Variants in MBTPS1 observed in about 807,000 individuals in gnomAD.
MBTPS1 encodes the protein membrane bound transcription factor peptidase, site 1.
Under a neutral mutation model 127.8 loss-of-function variants are expected in MBTPS1, and 94 were observed. The ratio of observed to expected loss-of-function variants is 0.74; its 90% CI spans 0.62 to 0.87. The LOEUF is 0.87. Among genes scored for constraint, MBTPS1 ranks in the 40% least tolerant of loss-of-function variants. The pLI is 0.00. For missense variants in MBTPS1, 1,636 were observed against 1,353.2 expected (o/e 1.21, Z -3.28); for synonymous variants, 632 against 509.4 (o/e 1.24, Z -3.24).
chr16:84,070,841 C>G lies in MBTPS1; in HGVS notation c.1594-65G>C, dbSNP rs2085760547. ...GCTCCAGGAGAAAACACGTGGAAAC[C>G]AGAAAAACTCAATTCTTACCAAAAC... On this transcript the variant is annotated intron_variant, in intron 12 of 22. Transcript: ENST00000343411. The G allele has an allele frequency of 3.9e-6, 5 of 1,291,086 alleles. No homozygotes were observed. The Admixed American group carries it at 7.0e-5, about 18-fold the overall frequency. The allele number at this position is 1,291,086 out of a possible 1,614,324, so 80.0% of individuals were successfully genotyped here.
Position 84,093,733 on chromosome 16 carries a change from G to T in MBTPS1, c.714C>A (p.Thr238=). 6.2e-7 allele frequency: 1 copy of T among 1,613,852 alleles called. No homozygotes were observed. The highest frequency in any genetic ancestry group is 8.5e-7 in the Non-Finnish European group (1 of 1,179,756). The part of the protein sequence containing the change: ...FKNVKERTNW[T]NERTLDDGLG... ...CACCATCGTCCAGCGTTCGCTCGTT[G>T]GTCCAGTTGGTTCTCTCCTTCACAT... Residue 238 remains threonine, a synonymous_variant, in exon 5 of 23, where the codon ACC becomes ACA. Coordinates refer to ENST00000343411, the MANE Select transcript of MBTPS1 (RefSeq NM_003791.4).
At chr16:84,097,445 T>A (rs749902881) in intron 3 of MBTPS1, among the ~76,000 whole-genome samples, 1 of 152,190 alleles carries the variant, frequency 6.6e-6, no homozygotes, top group Non-Finnish European at 1.5e-5. Flanking sequence ...CACAGCTAAC[T>A]TCAAGGGGCA....
chr16:84,093,045 A>G, intron 6 of MBTPS1, 143 bp downstream of exon 6: 1 of 659,892 alleles, frequency 1.5e-6, no homozygotes, highest in Non-Finnish European at 2.7e-6. Flanking sequence ...GAGGAACAGT[A>G]AACTGAGCAT....
chr16:84,060,086 G>C (rs2085585895), intron 20 of MBTPS1: 1 of 153,046 alleles, frequency 6.5e-6, no homozygotes, highest in Non-Finnish European at 1.5e-5. Flanking sequence ...CAGGGACTTA[G>C]ACGCACTGAT....
chr16:84,099,362 CATATACT>C, intron 2 of MBTPS1, 52 bp from the exon 3 acceptor site: 1 of 1,550,184 alleles, frequency 6.5e-7, no homozygotes, highest in Non-Finnish European at 8.8e-7. Flanking sequence ...TACATTATAA[CATATACT>C]ATATTGTATC....
chr16:84,091,201 A>G (rs2086101296), intron 7 of MBTPS1, among the ~76,000 whole-genome samples: 1 of 152,154 alleles, frequency 6.6e-6, no homozygotes, highest in Admixed American at 6.5e-5. Flanking sequence ...GTAAGAAAGA[A>G]TTGGCAGGGC....
intron 8 of MBTPS1, among the ~76,000 whole-genome samples, chr16:84,087,950 G>GT (rs1271158550): frequency 6.6e-6 from 1 of 152,154 alleles, no homozygotes; most frequent in Non-Finnish European, 1.5e-5. Flanking sequence ...TCAGGAAGTG[G>GT]TAAGTTTTCG....
chr16:84,098,580 C>G (rs941721681), intron 3 of MBTPS1, among the ~76,000 whole-genome samples: 7 of 152,062 alleles, frequency 4.6e-5, no homozygotes, highest in African/African-American at 1.7e-4. Context: ...GCACTCCAGC[C>G]TGGGCAACAA....
At position 84,112,692 on chromosome 16, in the gene MBTPS1, A is replaced by T. The variant is rs1020126919; in HGVS notation, c.-325+4043T>A. On this transcript the variant is annotated intron_variant, in intron 1 of 22. Transcript: ENST00000343411. ...AAACAAAAAAAAACAAAAAAAGAAT[A>T]CGCCGGGCTCGGTGGCTCACAGCTA... 2.0e-5 allele frequency among the ~76,000 whole-genome samples: 3 copies of T among 148,160 alleles called. No individual in the cohort carries two copies. The East Asian group carries it at 6.1e-4, about 30-fold the overall frequency.
At chr16:84,086,748 C>T (rs2086033675) in intron 9 of MBTPS1, among the ~76,000 whole-genome samples, 1 of 152,192 alleles carries the variant, frequency 6.6e-6, no homozygotes, top group Admixed American at 6.5e-5. Context: ...CCCTCGGCCA[C>T]AGCGAGGGCA....
At chr16:84,057,714 T>A (rs2085542259) in intron 21 of MBTPS1, 1 of 152,212 alleles carries the variant, frequency 6.6e-6, no homozygotes, top group Non-Finnish European at 1.5e-5. Context: ...AGAATAATTT[T>A]CAACAAGATA....
In MBTPS1 at chr16:84,065,725, T is replaced by C. The variant is rs138142996; in HGVS notation, c.2396A>G (p.Asp799Gly). The C allele has an allele frequency of 9.7e-5, 156 of 1,612,080 alleles. No individual in the cohort carries two copies. In the African/African-American group the frequency reaches 2.0e-3, roughly 20 times the overall value. ...SGCSIAKFPE[D>G]GVVITQTFKD... ...GAAAGTCTGTGTTATCACGACGCCA[T>C]CTTCTGGAAACTTCGCGATGCTGCA... The change falls in exon 18 of 23, where the codon GAT becomes GGT. Residue 799 changes from aspartate (D) to glycine (G), a missense_variant. Coordinates refer to ENST00000343411, the MANE Select transcript of MBTPS1 (RefSeq NM_003791.4).
At chr16:84,116,549 G>A (rs1351586162) in intron 1 of MBTPS1, among the ~76,000 whole-genome samples, 186 bp downstream of exon 1, 4 of 152,326 alleles carry the variant, frequency 2.6e-5, no homozygotes, top group South Asian at 2.1e-4. Context: ...GACCCCCGCA[G>A]GGCCGCGGTA....
At chr16:84,071,576 C>G (rs1025012392) in intron 12 of MBTPS1, among the ~76,000 whole-genome samples, 3 of 152,174 alleles carry the variant, frequency 2.0e-5, no homozygotes, top group African/African-American at 7.2e-5. Context: ...TCTCTTGTAA[C>G]ACATCAAATT....
chr16:84,064,101 T>C (rs919030002), intron 18 of MBTPS1, among the ~76,000 whole-genome samples: 1 of 152,116 alleles, frequency 6.6e-6, no homozygotes, highest in Non-Finnish European at 1.5e-5. Context: ...ACAGGCAGCA[T>C]CATCAGTGGC....
chr16:84,060,647 A>G (rs368406957), intron 20 of MBTPS1, 35 bp downstream of exon 20: 38 of 1,603,342 alleles, frequency 2.4e-5, no homozygotes, highest in Middle Eastern at 1.7e-4. Flanking sequence ...GCTGGATCCA[A>G]TTCCCTCCCC....
intron 1 of MBTPS1, among the ~76,000 whole-genome samples, chr16:84,113,747 C>T (rs1221422345): frequency 6.6e-6 from 1 of 152,190 alleles, no homozygotes; most frequent in Non-Finnish European, 1.5e-5. Flanking sequence ...CTATGCCTTG[C>T]TTTGTAATAA....
Position 84,103,781 on chromosome 16 carries a change from C to T in MBTPS1, c.-324-1674G>A, listed in dbSNP as rs368825461. 3.7e-4 allele frequency among the ~76,000 whole-genome samples: 57 copies of T among 152,284 alleles called. 1 individual carries two copies. In the South Asian group the frequency reaches 0.011, roughly 28 times the overall value. On this transcript the variant is annotated intron_variant, in intron 1 of 22. Coordinates refer to ENST00000343411, the MANE Select transcript of MBTPS1 (RefSeq NM_003791.4). ...TACTTTTACTAAAGAGGGACTTTCA[C>T]TGCTGTACTAACAACTGATCCTGAA...
At chr16:84,087,540 C>T (rs900759389) in intron 8 of MBTPS1, 80 bp from the exon 9 acceptor site, 1 of 927,072 alleles carries the variant, frequency 1.1e-6, no homozygotes, top group Non-Finnish European at 1.7e-6. Context: ...ATGATTCAAA[C>T]CAGGGCGAAT....
Sources: gnomAD v4.1 joint callset for allele counts (sites outside exome capture counted in the v4.1 genomes callset) on GRCh38, gnomAD v4.1.1 for gene constraint, MANE v1.5 for transcripts, NCBI Gene and HGNC (gene_info 2026-07-23, HGNC 2026-07-21) for gene names.